Variants in APOBEC1 observed in about 807,000 individuals in gnomAD.
APOBEC1 encodes C->U-editing enzyme APOBEC-1.
APOBEC1 carries 22 observed loss-of-function variants against 26.3 expected under a neutral mutation model. The ratio of observed to expected loss-of-function variants is 0.84; its 90% CI spans 0.60 to 1.19. APOBEC1 has a LOEUF of 1.19. Among genes scored for constraint, APOBEC1 ranks in the 50% most tolerant of loss-of-function variants. The probability of loss-of-function intolerance (pLI) is 0.00; values close to 1 mark genes in which losing one functional copy is unlikely to be tolerated. For missense variants in APOBEC1, 253 were observed against 289.0 expected (o/e 0.88, Z 0.90); for synonymous variants, 77 against 95.3 (o/e 0.81, Z 1.12).
At chr12:7,649,868 C>A (rs1054031334) in intron 4 of APOBEC1, among the ~76,000 whole-genome samples, 172 bp from the exon 5 acceptor site, 2 of 151,822 alleles carry the variant, frequency 1.3e-5, no homozygotes, top group African/African-American at 2.4e-5. Context: ...CAGGCTGGAG[C>A]GCAGTGGTGC....
intron 4 of APOBEC1, 141 bp downstream of exon 4, chr12:7,650,882 C>T (rs1431039153): frequency 1.4e-6 from 1 of 693,900 alleles, no homozygotes; most frequent in African/African-American, 1.8e-5. Flanking sequence ...CTGAGATTTT[C>T]TTAAGAGGAG....
At chr12:7,654,462 C>G (rs1863687090) in intron 2 of APOBEC1, 143 bp downstream of exon 2, 1 of 766,906 alleles carries the variant, frequency 1.3e-6, no homozygotes, top group Admixed American at 2.0e-5. Context: ...GCCTTGACCT[C>G]CTGGGCTCAA....
chr12:7,650,660 C>G (rs1029342339), intron 4 of APOBEC1, among the ~76,000 whole-genome samples: 2 of 152,128 alleles, frequency 1.3e-5, no homozygotes, highest in African/African-American at 4.8e-5. Flanking sequence ...TCTCAGACTC[C>G]TGGTCTCAAG....
chr12:7,652,456 G>A lies in APOBEC1; in HGVS notation c.424C>T (p.Gln142Ter). 6.2e-7 allele frequency: 1 copy of A among 1,613,008 alleles called. No homozygotes were observed. Among genetic ancestry groups the A allele is most frequent in the Non-Finnish European group, 8.5e-7 (1 of 1,179,670 alleles). Reference protein sequence around the residue: ...RDLVNSGVTIQIMRASEYYHC... With the variant: ...RDLVNSGVTI ...TTTTTACCTGATGCTCTCATAATCT[G>A]AATAGTTACTCCACTGTTAACAAGG... Residue 142 changes from glutamine to a stop codon, truncating the protein, a stop_gained, in exon 3 of 5, where the codon CAG becomes TAG. Coordinates refer to ENST00000229304, the MANE Select transcript of APOBEC1 (RefSeq NM_001644.5). LOFTEE classifies it high-confidence loss of function.
intron 1 of APOBEC1, among the ~76,000 whole-genome samples, chr12:7,661,570 G>A (rs139971087): frequency 2.0e-5 from 3 of 151,978 alleles, no homozygotes; most frequent in African/African-American, 4.8e-5. Flanking sequence ...ACCACAACTC[G>A]AGAGGAAGGA....
At chr12:7,651,882 G>T (rs753101450) in intron 3 of APOBEC1, among the ~76,000 whole-genome samples, 1 of 150,698 alleles carries the variant, frequency 6.6e-6, no homozygotes, top group African/African-American at 2.4e-5. Context: ...GTGCAGTGGC[G>T]CGATCTCGGC....
Position 7,652,422 on chromosome 12 carries a change from TG to T in APOBEC1, c.442+15del. 1 of 1,591,444 alleles carries T rather than the reference TG, an allele frequency of 6.3e-7. No individual in the cohort carries two copies. The highest frequency in any genetic ancestry group is 8.6e-7 in the Non-Finnish European group (1 of 1,168,732). On this transcript the variant is annotated intron_variant, in intron 3 of 4. Transcript: ENST00000229304. ...TCTGTTGTAAACAATGAAGTTTCTT[TG>T]TTTACTGTTTTTACCTGATGCTCTC... is the stretch of plus-strand genomic sequence containing the variant.
intron 1 of APOBEC1, among the ~76,000 whole-genome samples, chr12:7,658,045 C>A (rs993907773): frequency 5.3e-5 from 8 of 149,596 alleles, no homozygotes; most frequent in African/African-American, 2.0e-4. Flanking sequence ...TTGATTTGTT[C>A]TGTTTTGTTT....
rs780138830 is a variant in APOBEC1 at position 7,651,161 on chromosome 12, G to T, written c.443-20C>A. On this transcript the variant is annotated intron_variant, in intron 3 of 4. Transcript: ENST00000229304. ...AATACTCTAAGGAAACACAAATCTTGGCTCATTCAACAAGCACAATGGTAA... is the reference window on the plus strand; with the variant it reads ...AATACTCTAAGGAAACACAAATCTTTGCTCATTCAACAAGCACAATGGTAA... 3 of 1,548,498 alleles carry T rather than the reference G, an allele frequency of 1.9e-6. No homozygotes were observed. The highest frequency in any genetic ancestry group is 1.4e-5 in the African/African-American group (1 of 73,554).
chr12:7,659,322 A>AAAAAAAAAAATATAT (rs1555094633), intron 1 of APOBEC1, among the ~76,000 whole-genome samples: 1 of 46,292 alleles, frequency 2.2e-5, no homozygotes, highest in Non-Finnish European at 3.3e-5. Context: ...AAAAAAAAAA[A>AAAAAAAAAAATATAT]ATATATATAT....
chr12:7,667,648 C>T (rs997774287), upstream of APOBEC1, among the ~76,000 whole-genome samples: 2 of 152,176 alleles, frequency 1.3e-5, no homozygotes, highest in Non-Finnish European at 2.9e-5. Flanking sequence ...GGCGCAGTGG[C>T]TCGCGCCTGT....
At chr12:7,660,363 G>GAAAGAAAAAGAAAGAAAGAAAGAAAGAAA (rs1565442332) in intron 1 of APOBEC1, among the ~76,000 whole-genome samples, 6 of 6,916 alleles carry the variant, frequency 8.7e-4, no homozygotes, top group African/African-American at 1.6e-3. Context: ...AAGGAAGGAA[G>GAAAGAAAAAGAAAGAAAGAAAGAAAGAAA]GAAGGAAGGA....
In APOBEC1 at chr12:7,651,410, C is replaced by G. The variant is rs145446900; in HGVS notation, c.443-269G>C. Among the ~76,000 whole-genome samples the G allele has an allele frequency of 5.7e-3, 862 of 152,044 alleles. 13 individuals are homozygous for G. The highest frequency in any genetic ancestry group is 0.019 in the African/African-American group (791 of 41,492). ...GGGGGTGGATCACAGGTCAGGAGAT[C>G]GAGACCATCCTGCCTAACACAGTGA... is the stretch of plus-strand genomic sequence containing the variant. On this transcript the variant is annotated intron_variant, in intron 3 of 4. Coordinates refer to ENST00000229304, the MANE Select transcript of APOBEC1 (RefSeq NM_001644.5).
rs749230652 is a variant in APOBEC1 at position 7,652,647 on chromosome 12, G to A, written c.233C>T (p.Pro78Leu). 2 of 1,614,102 alleles carry A rather than the reference G, an allele frequency of 1.2e-6. No homozygotes were observed. The highest frequency in any genetic ancestry group is 2.2e-5 in the South Asian group (2 of 91,076). ...KKFTSERDFH[P>L]SMSCSITWFL... ...CCAGGTGATGGAGCAGCTCATGGAT[G>A]GGTGAAAATCTCTTTCTGACGTAAA... The change falls in exon 3 of 5, where the codon CCA (proline) becomes CTA (leucine). Residue 78 changes from proline (P) to leucine (L), a missense_variant. Coordinates refer to ENST00000229304, the MANE Select transcript of APOBEC1 (RefSeq NM_001644.5).
intron 1 of APOBEC1, among the ~76,000 whole-genome samples, chr12:7,665,353 A>C (rs1415127352): frequency 6.6e-6 from 1 of 152,072 alleles, no homozygotes; most frequent in Non-Finnish European, 1.5e-5. Context: ...GCTGGAGTGC[A>C]GTGGCGTGAT....
chr12:7,669,462 A>G (rs1251397821), upstream of APOBEC1, among the ~76,000 whole-genome samples: 3 of 152,202 alleles, frequency 2.0e-5, no homozygotes, highest in Admixed American at 6.6e-5. Context: ...GAACATTTGT[A>G]TACAATTCTT....
chr12:7,664,680 C>T (rs886891822), intron 1 of APOBEC1, among the ~76,000 whole-genome samples: 8 of 152,052 alleles, frequency 5.3e-5, no homozygotes, highest in South Asian at 2.1e-4. Context: ...TTTGGGAGGC[C>T]GAGGCTAGTG....
At chr12:7,663,654 AG>A (rs1372579864) in intron 1 of APOBEC1, among the ~76,000 whole-genome samples, 1 of 152,172 alleles carries the variant, frequency 6.6e-6, no homozygotes, top group Non-Finnish European at 1.5e-5. Flanking sequence ...TGAGAAGTTC[AG>A]AAAGGGACGG....
intron 1 of APOBEC1, among the ~76,000 whole-genome samples, chr12:7,661,779 G>C (rs761955398): frequency 3.9e-5 from 6 of 152,210 alleles, no homozygotes; most frequent in Non-Finnish European, 8.8e-5. Flanking sequence ...AACCTGGAAG[G>C]GGAAAGAGAA....
Sources: allele counts gnomAD v4.1 joint callset (sites outside exome capture counted in the v4.1 genomes callset), GRCh38; gene constraint gnomAD v4.1.1; transcripts MANE v1.5; gene names NCBI Gene and HGNC (gene_info 2026-07-23, HGNC 2026-07-21).